KCNT2: variants seen among roughly 807,000 people sequenced by gnomAD.
KCNT2 encodes potassium channel subfamily T member 2.
KCNT2 carries 67 observed loss-of-function variants against 153.8 expected under a neutral mutation model. The observed-to-expected ratio is 0.44, with a 90% CI of 0.36 to 0.53. The LOEUF is 0.53. KCNT2 is among the 20% of genes least tolerant of loss of function. KCNT2 has a pLI of 0.00. For synonymous variants in KCNT2, 500 were observed against 458.8 expected (o/e 1.09, Z -1.15); for missense variants, 975 against 1,354.8 (o/e 0.72, Z 4.40).
chr1:196,333,026 A>T (rs1381912612), intron 17 of KCNT2, among the ~76,000 whole-genome samples: 1 of 151,584 alleles, frequency 6.6e-6, no homozygotes, highest in Non-Finnish European at 1.5e-5. Context: ...CTGACCTCAA[A>T]TGATCCTGCC....
intron 1 of KCNT2, among the ~76,000 whole-genome samples, chr1:196,495,864 G>A (rs1680211248): frequency 6.6e-6 from 1 of 152,102 alleles, no homozygotes. Flanking sequence ...ATTGAAATAT[G>A]TTCTTGCTAT....
chr1:196,501,172 A>G lies in KCNT2; in HGVS notation c.96-8831T>C, dbSNP rs573024305. 1.6e-4 allele frequency among the ~76,000 whole-genome samples: 25 copies of G among 152,314 alleles called. No individual in the cohort carries two copies. The South Asian group carries it at 5.0e-3, about 30-fold the overall frequency. On this transcript the variant is annotated intron_variant, in intron 1 of 27. Coordinates refer to ENST00000294725, the MANE Select transcript of KCNT2 (RefSeq NM_198503.5). ...TTTGCAAAGAACTGAAAATCAAACT[A>G]CCATTCAATTCAGCAATCCAACTTC...
intron 1 of KCNT2, among the ~76,000 whole-genome samples, chr1:196,576,919 C>G (rs951185754): frequency 2.0e-5 from 3 of 151,972 alleles, no homozygotes; most frequent in African/African-American, 7.2e-5. Context: ...TTCCTCTTTC[C>G]CAGCAAAACA....
chr1:196,451,405 A>G (rs1159989452), intron 8 of KCNT2, among the ~76,000 whole-genome samples: 1 of 81,424 alleles, frequency 1.2e-5, no homozygotes, highest in Non-Finnish European at 2.4e-5. Flanking sequence ...CACACCCAAC[A>G]CATTTTTTTT....
At chr1:196,233,576 T>C (rs1236467888) in intron 27 of KCNT2, among the ~76,000 whole-genome samples, 1 of 151,464 alleles carries the variant, frequency 6.6e-6, no homozygotes, top group Non-Finnish European at 1.5e-5. Context: ...AACTAGCTTA[T>C]CTTCAAAGTT....
At chr1:196,573,299 T>C (rs1372984828) in intron 1 of KCNT2, among the ~76,000 whole-genome samples, 1 of 151,800 alleles carries the variant, frequency 6.6e-6, no homozygotes, top group Non-Finnish European at 1.5e-5. Flanking sequence ...TAAAGATATT[T>C]GTGTGTGTGT....
intron 16 of KCNT2, among the ~76,000 whole-genome samples, chr1:196,334,844 A>C (rs1664859097): frequency 6.6e-6 from 1 of 152,040 alleles, no homozygotes; most frequent in Non-Finnish European, 1.5e-5. Context: ...TGGAATTTTT[A>C]TTTGATAGGA....
intron 1 of KCNT2, among the ~76,000 whole-genome samples, chr1:196,591,972 T>A (rs1446742637): frequency 1.3e-5 from 2 of 152,186 alleles, no homozygotes; most frequent in African/African-American, 4.8e-5. Flanking sequence ...AGAATTTCTT[T>A]CCTATCTTCC....
chr1:196,459,420 A>G (rs1676960256), intron 8 of KCNT2, among the ~76,000 whole-genome samples: 1 of 151,824 alleles, frequency 6.6e-6, no homozygotes, highest in African/African-American at 2.4e-5. Flanking sequence ...AATCAAAGAA[A>G]GAAATAGAAA....
At chr1:196,493,335 TG>T (rs549166972) in intron 1 of KCNT2, among the ~76,000 whole-genome samples, 82 of 143,220 alleles carry the variant, frequency 5.7e-4, no homozygotes, top group Middle Eastern at 3.5e-3. Flanking sequence ...GTCTTTTTTT[TG>T]GGGGGGAGAT....
chr1:196,457,597 T>A (rs1430094175), intron 8 of KCNT2, among the ~76,000 whole-genome samples: 1 of 150,178 alleles, frequency 6.7e-6, no homozygotes, highest in Non-Finnish European at 1.5e-5. Context: ...ATTAAGGAAG[T>A]TAATAAGAGG....
At chr1:196,536,814 G>T (rs1194950706) in intron 1 of KCNT2, among the ~76,000 whole-genome samples, 1 of 152,046 alleles carries the variant, frequency 6.6e-6, no homozygotes. Context: ...TGCTTTCCCA[G>T]TCCGAGGGAC....
chr1:196,396,185 G>T (rs187580650), intron 13 of KCNT2, among the ~76,000 whole-genome samples: 2 of 151,586 alleles, frequency 1.3e-5, no homozygotes, highest in South Asian at 2.1e-4. Flanking sequence ...TCCTTAGAGA[G>T]GCTAAACTGG....
At chr1:196,343,215 TA>T (rs1665832482) in intron 14 of KCNT2, 1 of 152,226 alleles carries the variant, frequency 6.6e-6, no homozygotes, top group African/African-American at 2.4e-5. Flanking sequence ...AGTATTTTTA[TA>T]AAGAAGATAA....
chr1:196,462,722 A>G (rs1677257481), intron 8 of KCNT2, among the ~76,000 whole-genome samples: 1 of 151,778 alleles, frequency 6.6e-6, no homozygotes, highest in Non-Finnish European at 1.5e-5. Context: ...TCCTCATTTA[A>G]TGATGTGTAA....
chr1:196,540,040 A>G (rs1363091500), intron 1 of KCNT2, among the ~76,000 whole-genome samples: 19 of 152,134 alleles, frequency 1.2e-4, no homozygotes, highest in Admixed American at 1.2e-3. Flanking sequence ...AGTGAATTAA[A>G]ATGCGTTGCC....
chr1:196,451,287 G>T (rs1337980850), intron 8 of KCNT2, among the ~76,000 whole-genome samples: 2 of 116,502 alleles, frequency 1.7e-5, no homozygotes, highest in Admixed American at 1.2e-4. Flanking sequence ...CTGTTGCCCA[G>T]GCTGGAGTAC....
chr1:196,583,965 A>C (rs1246268827), intron 1 of KCNT2, among the ~76,000 whole-genome samples: 1 of 152,014 alleles, frequency 6.6e-6, no homozygotes, highest in East Asian at 1.9e-4. Context: ...AGGACAAGTT[A>C]GAGTTACATG....
At position 196,478,893 on chromosome 1, in the gene KCNT2, AC is replaced by A. The variant is rs549154596; in HGVS notation, c.384+285del. ...TATTTTGTGTACAAATCAGAAAAAA[AC>A]AATGTTGAATACAATAAAGTTGAAC... On this transcript the variant is annotated intron_variant, in intron 5 of 27. Coordinates refer to ENST00000294725, the MANE Select transcript of KCNT2 (RefSeq NM_198503.5). 2.0e-5 allele frequency among the ~76,000 whole-genome samples: 3 copies of A among 152,350 alleles called. No homozygotes were observed. The East Asian group carries it at 5.8e-4, about 29-fold the overall frequency.
Sources: allele counts gnomAD v4.1 joint callset (sites outside exome capture counted in the v4.1 genomes callset), GRCh38; gene constraint gnomAD v4.1.1; transcripts MANE v1.5; gene names NCBI Gene and HGNC (gene_info 2026-07-23, HGNC 2026-07-21).